The following ASIC2 variants were observed in gnomAD, a reference collection of about 807,000 sequenced individuals.
ASIC2 encodes acid-sensing ion channel 2.
ASIC2 carries 25 observed loss-of-function variants against 57.3 expected under a neutral mutation model. The observed-to-expected ratio is 0.44, with a 90% confidence interval of 0.32 to 0.61. ASIC2 has a LOEUF of 0.61. Ranked by LOEUF, ASIC2 falls within the 20% of genes least tolerant of loss-of-function variation. The pLI is 0.06. For synonymous variants in ASIC2, 319 were observed against 307.5 expected (o/e 1.04, Z -0.39); for missense variants, 641 against 738.1 (o/e 0.87, Z 1.52).
At chr17:33,973,679 C>G (rs1905285573) in intron 1 of ASIC2, among the ~76,000 whole-genome samples, 1 of 152,166 alleles carries the variant, frequency 6.6e-6, no homozygotes, top group South Asian at 2.1e-4. Flanking sequence ...CTTGTTCCTG[C>G]TCACTCACCC....
At chr17:34,088,809 C>T (rs566589563) in intron 1 of ASIC2, among the ~76,000 whole-genome samples, 74 of 152,280 alleles carry the variant, frequency 4.9e-4, no homozygotes, top group South Asian at 1.2e-3. Context: ...TAGCAATCAG[C>T]GAGACTCCGT....
chr17:33,022,189 C>G (rs921932729), intron 6 of ASIC2, among the ~76,000 whole-genome samples: 6 of 152,210 alleles, frequency 3.9e-5, no homozygotes, highest in African/African-American at 1.4e-4. Flanking sequence ...TGGCTTGCCA[C>G]AGCTGTTTCC....
chr17:33,278,979 G>GCC (rs1904829123), intron 1 of ASIC2, among the ~76,000 whole-genome samples: 2 of 152,160 alleles, frequency 1.3e-5, no homozygotes, highest in Non-Finnish European at 2.9e-5. Flanking sequence ...CATCAGAGGG[G>GCC]CATAAACAAA....
At chr17:33,044,626 G>T (rs1219491919) in intron 3 of ASIC2, among the ~76,000 whole-genome samples, 1 of 152,160 alleles carries the variant, frequency 6.6e-6, no homozygotes, top group African/African-American at 2.4e-5. Flanking sequence ...CCTCCCAAAG[G>T]TTGGGATTAC....
At position 33,017,174 on chromosome 17, in the gene ASIC2, A is replaced by T. The variant is rs376674384; in HGVS notation, c.1521+431T>A. On this transcript the variant is annotated intron_variant, in intron 8 of 9. Coordinates refer to ENST00000225823, the MANE Select transcript of ASIC2 (RefSeq NM_183377.2). Reference sequence around the variant, plus strand: ...GGCTGGGCCACAGAGGACATGACTCAGGTGATGGGCCACCTAGAGGGCAGG... The same window carrying T: ...GGCTGGGCCACAGAGGACATGACTCTGGTGATGGGCCACCTAGAGGGCAGG... Among the ~76,000 whole-genome samples, 16 of 152,298 alleles carry T rather than the reference A, an allele frequency of 1.1e-4. No individual in the cohort carries two copies. In the South Asian group the frequency reaches 1.7e-3, roughly 16 times the overall value.
At chr17:33,925,270 G>A (rs1217283194) in intron 1 of ASIC2, among the ~76,000 whole-genome samples, 1 of 152,244 alleles carries the variant, frequency 6.6e-6, no homozygotes, top group Non-Finnish European at 1.5e-5. Context: ...AGGGTTGAAT[G>A]AGGAGAAGAA....
intron 1 of ASIC2, chr17:34,069,194 TTCCCTCCC>T (rs112258809): frequency 0.52 from 70,536 of 134,684 alleles, 20,101 homozygotes; most frequent in Middle Eastern, 0.67. Context: ...CTCCCTTCCC[TTCCCTCCC>T]TCCCTCCCTC....
intron 1 of ASIC2, among the ~76,000 whole-genome samples, chr17:33,559,431 G>T (rs1916006027): frequency 6.6e-6 from 1 of 152,138 alleles, no homozygotes; most frequent in Non-Finnish European, 1.5e-5. Flanking sequence ...ATCACAGCTA[G>T]AATATTGTCC....
At chr17:34,107,600 T>A (rs1185390078) in intron 1 of ASIC2, among the ~76,000 whole-genome samples, 1 of 152,152 alleles carries the variant, frequency 6.6e-6, no homozygotes. Flanking sequence ...TCAAACACTA[T>A]GATAGGCAAA....
intron 1 of ASIC2, among the ~76,000 whole-genome samples, chr17:33,634,514 C>CTTTTTT (rs71144891): frequency 8.4e-6 from 1 of 118,504 alleles, no homozygotes; most frequent in African/African-American, 3.4e-5. Flanking sequence ...ACTTTTTTTT[C>CTTTTTT]TTTTTTTTTT....
chr17:33,718,904 G>A (rs1156250359), intron 1 of ASIC2, among the ~76,000 whole-genome samples: 2 of 152,206 alleles, frequency 1.3e-5, no homozygotes, highest in Non-Finnish European at 2.9e-5. Context: ...CATGCTACCA[G>A]CAGCCCATAG....
chr17:33,440,301 CA>C, intron 1 of ASIC2, among the ~76,000 whole-genome samples: 1 of 152,290 alleles, frequency 6.6e-6, no homozygotes, highest in East Asian at 1.9e-4. Context: ...TAGCATGTAC[CA>C]GTGCTTCACT....
intron 1 of ASIC2, among the ~76,000 whole-genome samples, chr17:33,632,928 T>C (rs1038774505): frequency 3.3e-5 from 5 of 152,202 alleles, no homozygotes; most frequent in Non-Finnish European, 7.3e-5. Flanking sequence ...TAGTTGGGGT[T>C]CCAGGAGGTT....
intron 1 of ASIC2, among the ~76,000 whole-genome samples, chr17:33,400,053 A>G (rs909529535): frequency 6.6e-6 from 1 of 152,246 alleles, no homozygotes; most frequent in Non-Finnish European, 1.5e-5. Flanking sequence ...GTTCTGGACC[A>G]TACATTATTA....
intron 1 of ASIC2, among the ~76,000 whole-genome samples, chr17:33,597,077 A>ACAGGCTGG (rs549776413): frequency 2.0e-5 from 3 of 152,166 alleles, no homozygotes; most frequent in Non-Finnish European, 4.4e-5. Flanking sequence ...AGGCTTCATG[A>ACAGGCTGG]CAGGCTGGCA....
At chr17:33,538,964 C>T (rs2141967152) in intron 1 of ASIC2, among the ~76,000 whole-genome samples, 1 of 152,316 alleles carries the variant, frequency 6.6e-6, no homozygotes, top group Middle Eastern at 3.4e-3. Context: ...CATTTTCCCC[C>T]ACTTCTCCCA....
chr17:33,675,562 T>A (rs1380999814), intron 1 of ASIC2, among the ~76,000 whole-genome samples: 1 of 146,738 alleles, frequency 6.8e-6, no homozygotes, highest in Non-Finnish European at 1.5e-5. Context: ...GTACATCTCA[T>A]TTTATTCTTT....
chr17:33,519,310 G>A (rs1914671920), intron 1 of ASIC2, among the ~76,000 whole-genome samples: 1 of 152,150 alleles, frequency 6.6e-6, no homozygotes, highest in South Asian at 2.1e-4. Flanking sequence ...AAGTGAGGGA[G>A]GAATGCTGGA....
chr17:33,974,605 T>TATCCATCCATCCATCCATCC (rs55947544), intron 1 of ASIC2, among the ~76,000 whole-genome samples: 3 of 145,330 alleles, frequency 2.1e-5, no homozygotes, highest in Non-Finnish European at 3.0e-5. Flanking sequence ...GGAACCTATC[T>TATCCATCCATCCATCCATCC]ATCCATCCAT....
Sources: allele counts gnomAD v4.1 joint callset (sites outside exome capture counted in the v4.1 genomes callset), GRCh38; gene constraint gnomAD v4.1.1; transcripts MANE v1.5; gene names NCBI Gene and HGNC (gene_info 2026-07-23, HGNC 2026-07-21).